LRRFIP1: variants seen among roughly 807,000 people sequenced by gnomAD.
LRRFIP1 encodes the protein LRR binding FLII interacting protein 1.
A neutral mutation model predicts 104.4 loss-of-function variants in LRRFIP1; 62 were observed. The ratio of observed to expected loss-of-function variants is 0.59; its 90% confidence interval spans 0.48 to 0.73. The LOEUF is 0.73. Among genes scored for constraint, LRRFIP1 ranks in the 30% least tolerant of loss-of-function variants. The probability of loss-of-function intolerance (pLI) is 0.00; values close to 1 mark genes in which losing one functional copy is unlikely to be tolerated. For missense variants in LRRFIP1, 796 were observed against 824.5 expected (o/e 0.97, Z 0.42); for synonymous variants, 300 against 299.0 (o/e 1.00, Z -0.03).
chr2:237,648,326 A>G (rs2085311599), intron 1 of LRRFIP1, among the ~76,000 whole-genome samples: 2 of 151,716 alleles, frequency 1.3e-5, no homozygotes, highest in Non-Finnish European at 2.9e-5. Flanking sequence ...CTGACACCCT[A>G]ATGCTGCTCT....
At chr2:237,744,223 A>C (rs529715432) in intron 11 of LRRFIP1, among the ~76,000 whole-genome samples, 1 of 152,326 alleles carries the variant, frequency 6.6e-6, no homozygotes, top group African/African-American at 2.4e-5. Context: ...TTAAATGTGA[A>C]GGAAAATTAC....
At chr2:237,769,736 G>A (rs2060463751) in intron 19 of LRRFIP1, 1 of 555,104 alleles carries the variant, frequency 1.8e-6, no homozygotes, top group Non-Finnish European at 3.3e-6. Context: ...CCCCTGACGT[G>A]AAGCATGTTC....
chr2:237,763,564 G>A (rs572799480), intron 19 of LRRFIP1: 1 of 1,613,172 alleles, frequency 6.2e-7, no homozygotes, highest in African/African-American at 1.3e-5. Flanking sequence ...CTGACAGAAA[G>A]TCAGCAGTGG....
chr2:237,748,119 A>C (rs890194831), intron 11 of LRRFIP1, among the ~76,000 whole-genome samples: 8 of 152,124 alleles, frequency 5.3e-5, no homozygotes, highest in African/African-American at 1.9e-4. Flanking sequence ...TGAGACTCCT[A>C]CCTGAGGACA....
intron 8 of LRRFIP1, among the ~76,000 whole-genome samples, chr2:237,728,498 T>G (rs2094862047): frequency 1.7e-4 from 12 of 71,700 alleles, no homozygotes; most frequent in African/African-American, 3.5e-4. Flanking sequence ...AGAGAGGGAG[T>G]GGTGCCAGTG....
rs747426997 is a variant in LRRFIP1 at position 237,758,752 on chromosome 2, C to T, written c.1248C>T (p.Phe416=). 1 of 1,612,846 alleles carries T rather than the reference C, an allele frequency of 6.2e-7. No individual in the cohort carries two copies. Among genetic ancestry groups the T allele is most frequent in the Admixed American group, 1.7e-5 (1 of 59,864 alleles). Residue 416 remains phenylalanine, a synonymous_variant, in exon 18 of 24, where the codon TTC becomes TTT. Transcript: ENST00000308482. The stretch of plus-strand genomic sequence containing the variant: ...AGGCATTAGAGAGGCAGAAAGAGTT[C>T]TTTGATTCCGTAAGGAGTGAACGGG... ...KIGALERQKE[F]FDSVRSERDD...
chr2:237,714,653 T>C (rs2094251395), intron 3 of LRRFIP1, among the ~76,000 whole-genome samples: 5 of 152,246 alleles, frequency 3.3e-5, no homozygotes. Flanking sequence ...AAAAATTCCA[T>C]ACAAATTACC....
chr2:237,658,062 A>T (rs1192633409), intron 1 of LRRFIP1, among the ~76,000 whole-genome samples: 1 of 152,230 alleles, frequency 6.6e-6, no homozygotes, highest in Non-Finnish European at 1.5e-5. Flanking sequence ...AGAACCACCT[A>T]AAAAACTGTG....
intron 1 of LRRFIP1, among the ~76,000 whole-genome samples, chr2:237,641,194 A>G (rs2083904892): frequency 6.6e-6 from 1 of 150,832 alleles, no homozygotes; most frequent in African/African-American, 2.4e-5. Context: ...TGGGCAACAT[A>G]ACAAGAACCC....
At position 237,770,447 on chromosome 2, in the gene LRRFIP1, C is replaced by T. The variant is rs577847630; in HGVS notation, c.1509+455C>T. On this transcript the variant is annotated intron_variant, in intron 20 of 23. Coordinates refer to ENST00000308482, the MANE Select transcript of LRRFIP1 (RefSeq NM_001137550.2). ...CTCTCTCACAGGTGTTTCTTTGTTA[C>T]AGCTAAACAAAGTTGTTTTAACCAT... 11 of 166,166 alleles carry T rather than the reference C, an allele frequency of 6.6e-5. No individual in the cohort carries two copies. In the South Asian group the frequency reaches 1.7e-3, roughly 26 times the overall value. The allele number at this position is 166,166 out of a possible 1,614,324, so 10.3% of individuals were successfully genotyped here.
At position 237,779,700 on chromosome 2, in the gene LRRFIP1, C is replaced by T. The variant is rs2061377301; in HGVS notation, c.*168C>T. On this transcript the variant is annotated 3_prime_UTR_variant, in exon 24 of 24. Transcript: ENST00000308482. ...GTGCCATGGCTCACCCCAGGGAGCC[C>T]CAGCAGCCACCAGGTGCCTCTGTCT... 1.8e-6 allele frequency: 1 copy of T among 541,746 alleles called. No homozygotes were observed. The highest frequency in any genetic ancestry group is 5.3e-4 in the Middle Eastern group (1 of 1,892). 33.6% of individuals were successfully genotyped at this position (541,746 alleles called of 1,614,324 possible). A position where few individuals can be genotyped will look rare whatever the true frequency, so the allele number is the denominator to read the frequency against.
At chr2:237,675,288 A>G (rs1402904327) in intron 1 of LRRFIP1, among the ~76,000 whole-genome samples, 1 of 152,090 alleles carries the variant, frequency 6.6e-6, no homozygotes. Flanking sequence ...GGCTGCCTGT[A>G]TTGCTTCTAT....
At chr2:237,704,230 G>T (rs537354639) in intron 1 of LRRFIP1, among the ~76,000 whole-genome samples, 13 of 144,168 alleles carry the variant, frequency 9.0e-5, no homozygotes, top group Admixed American at 3.7e-4. Flanking sequence ...TTGGCTCACC[G>T]CAACCTCCAC....
chr2:237,762,467 G>A, intron 19 of LRRFIP1: 1 of 765,852 alleles, frequency 1.3e-6, no homozygotes, highest in Non-Finnish European at 2.1e-6. Context: ...GCAAAGGCTT[G>A]TTTCTCATGA....
intron 2 of LRRFIP1, among the ~76,000 whole-genome samples, chr2:237,712,645 GTGTGTGTGCA>G (rs757126514): frequency 4.5e-4 from 68 of 151,042 alleles, no homozygotes; most frequent in African/African-American, 1.4e-3. Context: ...GCGTGTGCAT[GTGTGTGTGCA>G]TGTGTGTGCA....
intron 19 of LRRFIP1, chr2:237,764,567 G>A (rs2060141230): frequency 9.8e-7 from 1 of 1,016,096 alleles, no homozygotes; most frequent in East Asian, 9.4e-5. Flanking sequence ...TTAAATTAAT[G>A]TCTTGTTCAC....
At chr2:237,758,974 G>A (rs993185457) in intron 18 of LRRFIP1, among the ~76,000 whole-genome samples, 153 bp downstream of exon 18, 4 of 152,138 alleles carry the variant, frequency 2.6e-5, no homozygotes, top group African/African-American at 7.2e-5. Context: ...AACTGACAGC[G>A]ATGAGATGTA....
chr2:237,698,483 G>C (rs1397471226), intron 1 of LRRFIP1, among the ~76,000 whole-genome samples: 1 of 152,250 alleles, frequency 6.6e-6, no homozygotes, highest in South Asian at 2.1e-4. Flanking sequence ...TCGGCACCCA[G>C]CATTTCTTGG....
At chr2:237,753,142 G>A (rs2058836114) in intron 14 of LRRFIP1, among the ~76,000 whole-genome samples, 167 bp from the exon 15 acceptor site, 1 of 152,100 alleles carries the variant, frequency 6.6e-6, no homozygotes, top group African/African-American at 2.4e-5. Context: ...TTGAAAAGGG[G>A]GATTTCCATG....
Sources: gnomAD v4.1 joint callset for allele counts (sites outside exome capture counted in the v4.1 genomes callset) on GRCh38, gnomAD v4.1.1 for gene constraint, MANE v1.5 for transcripts, NCBI Gene and HGNC (gene_info 2026-07-23, HGNC 2026-07-21) for gene names.